MIB1: variants seen among roughly 807,000 people sequenced by gnomAD.
MIB1 encodes the protein E3 ubiquitin-protein ligase MIB1.
Under a neutral mutation model 124.5 loss-of-function variants are expected in MIB1, and 278 were observed. That is an observed-to-expected ratio of 2.23 (90% CI 2.02 to 2.47). The LOEUF (loss-of-function observed/expected upper bound fraction) is 2.47, where lower values mean the gene tolerates loss of function less well. Ranked by LOEUF, MIB1 falls within the 30% of genes most tolerant of loss-of-function variation. The pLI, the probability that MIB1 is intolerant of heterozygous loss-of-function variation, is 0.00. For synonymous variants in MIB1, 446 were observed against 429.4 expected (o/e 1.04, Z -0.48); for missense variants, 957 against 1,254.4 (o/e 0.76, Z 3.58).
intron 6 of MIB1, among the ~76,000 whole-genome samples, chr18:21,790,719 T>A (rs1446058242): frequency 6.6e-6 from 1 of 152,240 alleles, no homozygotes; most frequent in East Asian, 1.9e-4. Context: ...TCCAGCGTGT[T>A]TGTGTGAAAT....
chr18:21,766,337 TCTA>T (rs541478093), intron 2 of MIB1, among the ~76,000 whole-genome samples: 23 of 152,328 alleles, frequency 1.5e-4, no homozygotes, highest in African/African-American at 3.4e-4. Flanking sequence ...CTATACAACA[TCTA>T]CTATGTTTAT....
chr18:21,805,548 T>C (rs1274229390), intron 10 of MIB1, among the ~76,000 whole-genome samples: 2 of 152,142 alleles, frequency 1.3e-5, no homozygotes, highest in Admixed American at 1.3e-4. Flanking sequence ...TATTTTCTTA[T>C]TATTTTAGTT....
At chr18:21,728,644 T>C (rs531115912) in intron 1 of MIB1, among the ~76,000 whole-genome samples, 24 of 152,328 alleles carry the variant, frequency 1.6e-4, no homozygotes, top group South Asian at 1.2e-3. Context: ...AGATAGGGCC[T>C]CTTCTTTTTT....
At chr18:21,844,344 A>G (rs1253397604) in intron 15 of MIB1, 91 bp downstream of exon 15, 1 of 1,313,984 alleles carries the variant, frequency 7.6e-7, no homozygotes, top group Non-Finnish European at 1.1e-6. Context: ...TGTATTGGAT[A>G]AAATATTTTA....
At chr18:21,837,725 A>G (rs1366481488) in intron 12 of MIB1, among the ~76,000 whole-genome samples, 2 of 152,182 alleles carry the variant, frequency 1.3e-5, no homozygotes, top group Non-Finnish European at 2.9e-5. Context: ...TTTAAATATT[A>G]AATTATAATG....
intron 20 of MIB1, among the ~76,000 whole-genome samples, chr18:21,862,875 C>A (rs1241505174): frequency 6.6e-6 from 1 of 152,200 alleles, no homozygotes; most frequent in African/African-American, 2.4e-5. Context: ...ACATTGCCTT[C>A]TTTTTATGCA....
chr18:21,724,724 AAAAATATATATATATATATATATAT>A (rs1400025799), intron 1 of MIB1, among the ~76,000 whole-genome samples: 2 of 61,362 alleles, frequency 3.3e-5, no homozygotes, highest in Admixed American at 2.1e-4. Context: ...AAAAAAAAAA[AAAAATATATATATATATATATATAT>A]ATATATATAT....
intron 4 of MIB1, among the ~76,000 whole-genome samples, chr18:21,776,506 T>C (rs2041289462): frequency 6.6e-6 from 1 of 152,150 alleles, no homozygotes; most frequent in Non-Finnish European, 1.5e-5. Flanking sequence ...ATTAGGCACT[T>C]TTAAGTAAAT....
chr18:21,746,040 C>T (rs966401847), intron 1 of MIB1, among the ~76,000 whole-genome samples: 1 of 151,994 alleles, frequency 6.6e-6, no homozygotes, highest in Non-Finnish European at 1.5e-5. Flanking sequence ...TATTTTTGTA[C>T]TTAATTTAAA....
At chr18:21,794,442 CCTCTCTCTCT>C (rs147293733) in intron 7 of MIB1, among the ~76,000 whole-genome samples, 79 of 144,956 alleles carry the variant, frequency 5.4e-4, no homozygotes, top group Middle Eastern at 3.5e-3. Flanking sequence ...CATTAAATAG[CCTCTCTCTCT>C]CTCTCTCTCT....
chr18:21,823,730 G>A (rs1329055539), intron 12 of MIB1, among the ~76,000 whole-genome samples: 1 of 152,114 alleles, frequency 6.6e-6, no homozygotes, highest in Non-Finnish European at 1.5e-5. Context: ...ATTTTAAGTA[G>A]AAATTACACC....
intron 1 of MIB1, among the ~76,000 whole-genome samples, chr18:21,734,928 A>G (rs1286633248): frequency 6.6e-6 from 1 of 152,266 alleles, no homozygotes; most frequent in East Asian, 1.9e-4. Flanking sequence ...ATTTTGGTAC[A>G]CAAAAAATGG....
At chr18:21,822,358 G>T (rs191738058) in intron 12 of MIB1, among the ~76,000 whole-genome samples, 1 of 152,162 alleles carries the variant, frequency 6.6e-6, no homozygotes, top group Non-Finnish European at 1.5e-5. Flanking sequence ...ACAAGGAAGA[G>T]AAAATTTACT....
chr18:21,737,224 T>G (rs969750236), upstream of MIB1, among the ~76,000 whole-genome samples: 11 of 152,206 alleles, frequency 7.2e-5, no homozygotes, highest in African/African-American at 2.7e-4. Context: ...TGGGGGCCAA[T>G]ATTCAACATT....
intron 6 of MIB1, among the ~76,000 whole-genome samples, chr18:21,790,229 T>C (rs1456387545): frequency 6.6e-6 from 1 of 152,242 alleles, no homozygotes; most frequent in Non-Finnish European, 1.5e-5. Context: ...AAATGTATGC[T>C]TTGATCAGAT....
At position 21,791,528 on chromosome 18, in the gene MIB1, C is replaced by T. The variant is rs1406572611; in HGVS notation, c.1063C>T (p.His355Tyr). 6.2e-7 allele frequency: 1 copy of T among 1,613,710 alleles called. No individual in the cohort carries two copies. The highest frequency in any genetic ancestry group is 8.5e-7 in the Non-Finnish European group (1 of 1,179,788). Residue 355 changes from histidine (H) to tyrosine (Y), a missense_variant, in exon 7 of 21, where the codon CAT becomes TAT. His to Tyr is a moderately conservative substitution (Grantham distance 83). Transcript: ENST00000261537. The stretch of plus-strand genomic sequence containing the variant: ...ACGAATTAAACTTCTACAAAGAGGA[C>T]ATGGAGAATGGGCTGAAGCGATGCT... ...LERIKLLQRG[H>Y]GEWAEAMLPT...
intron 16 of MIB1, among the ~76,000 whole-genome samples, chr18:21,848,706 C>T (rs1429134387): frequency 6.6e-6 from 1 of 152,114 alleles, no homozygotes; most frequent in Non-Finnish European, 1.5e-5. Flanking sequence ...CTTAAGGATA[C>T]ACTTAAAAAT....
intron 10 of MIB1, among the ~76,000 whole-genome samples, chr18:21,814,656 C>T (rs754688194): frequency 3.3e-5 from 5 of 151,934 alleles, no homozygotes; most frequent in Non-Finnish European, 7.4e-5. Flanking sequence ...TCACTGCAAC[C>T]TCTGCCTCCC....
At chr18:21,849,633 C>T (rs1178396948) in intron 17 of MIB1, among the ~76,000 whole-genome samples, 2 of 152,002 alleles carry the variant, frequency 1.3e-5, no homozygotes, top group Non-Finnish European at 2.9e-5. Flanking sequence ...ATTGATACAC[C>T]ATTTTTACTG....
Sources: gnomAD v4.1 joint callset for allele counts (sites outside exome capture counted in the v4.1 genomes callset) on GRCh38, gnomAD v4.1.1 for gene constraint, MANE v1.5 for transcripts, NCBI Gene and HGNC (gene_info 2026-07-23, HGNC 2026-07-21) for gene names.